Variants in SEC13 observed in about 807,000 individuals in gnomAD.
The protein encoded by SEC13 is SEC13 homolog, nuclear pore and COPII component.
SEC13 carries 25 observed loss-of-function variants against 49.2 expected under a neutral mutation model. The ratio of observed to expected loss-of-function variants is 0.51; its 90% CI spans 0.37 to 0.71. The LOEUF (loss-of-function observed/expected upper bound fraction) is 0.71. SEC13 is among the 30% of genes least tolerant of loss of function. SEC13 has a pLI of 0.00. For synonymous variants in SEC13, 148 were observed against 163.9 expected (o/e 0.90, Z 0.74); for missense variants, 383 against 417.6 (o/e 0.92, Z 0.72).
At chr3:10,312,533 T>C (rs1260436325) in intron 4 of SEC13, 46 bp downstream of exon 4, 1 of 1,603,712 alleles carries the variant, frequency 6.2e-7, no homozygotes, top group Non-Finnish European at 8.5e-7. Flanking sequence ...GAGTCCTTTT[T>C]TACCCAGTGG....
chr3:10,320,705 T>C, intron 1 of SEC13: 1 of 1,165,982 alleles, frequency 8.6e-7, no homozygotes, highest in Non-Finnish European at 1.1e-6. Context: ...TTCACAAGGC[T>C]GTTAGCAGGC....
At chr3:10,319,396 G>A (rs2059723943) in intron 1 of SEC13, 2 of 1,061,402 alleles carry the variant, frequency 1.9e-6, no homozygotes, top group Non-Finnish European at 2.6e-6. Flanking sequence ...AGGAAGGCGG[G>A]GAGGGCAGGG....
intron 1 of SEC13, chr3:10,320,608 T>C (rs154240): frequency 0.34 from 342,259 of 995,446 alleles, 61,700 homozygotes; most frequent in Non-Finnish European, 0.37. Flanking sequence ...TCGGCTCTAC[T>C]ACCACTTAAG....
intron 1 of SEC13, among the ~76,000 whole-genome samples, chr3:10,320,006 G>GGGGA (rs1553639102): frequency 2.9e-5 from 3 of 103,112 alleles, no homozygotes; most frequent in Admixed American, 1.0e-4. Context: ...GGGAGGGTGG[G>GGGGA]GAGAGAGAGA....
intron 5 of SEC13, among the ~76,000 whole-genome samples, chr3:10,309,764 T>C (rs1267991638): frequency 6.6e-6 from 1 of 152,246 alleles, no homozygotes; most frequent in Non-Finnish European, 1.5e-5. Context: ...CTGTATGCAA[T>C]TTCACTTCAA....
chr3:10,305,956 AGAAT>A lies in SEC13; in HGVS notation c.451-268_451-265del, dbSNP rs549289627. 1.0e-3 allele frequency: 363 copies of A among 348,806 alleles called. 1 individual carries two copies. Among genetic ancestry groups the A allele is most frequent in the Non-Finnish European group, 1.6e-3 (302 of 190,918 alleles). 21.6% of individuals were successfully genotyped at this position (348,806 alleles called of 1,614,324 possible). On this transcript the variant is annotated intron_variant, in intron 5 of 8. Transcript: ENST00000350697. ...ACAGGACATTTTCTAAACACATGAA[AGAAT>A]GGTACATTGGAGCTTTTTTTTAAGA...
intron 6 of SEC13, 71 bp from the exon 7 acceptor site, chr3:10,305,227 G>A: frequency 6.6e-7 from 1 of 1,525,704 alleles, no homozygotes; most frequent in Middle Eastern, 1.8e-4. Flanking sequence ...CAACCCAACA[G>A]GCTCTGCCTG....
Position 10,305,167 on chromosome 3 carries a change from G to T in SEC13, c.585-11C>A. The T allele has an allele frequency of 6.2e-7, 1 of 1,603,548 alleles. No individual in the cohort carries two copies. Among genetic ancestry groups the T allele is most frequent in the South Asian group, 1.1e-5 (1 of 89,632 alleles). ...CCGTCCTCCTCCTCCCTAACAGTGGGGACAGAAAGAGAATCAGCAGGGGGC... is the reference window on the plus strand; with the variant it reads ...CCGTCCTCCTCCTCCCTAACAGTGGTGACAGAAAGAGAATCAGCAGGGGGC... On this transcript the variant is annotated splice_polypyrimidine_tract_variant and intron_variant, in intron 6 of 8. Coordinates refer to ENST00000350697, the MANE Select transcript of SEC13 (RefSeq NM_183352.3).
In SEC13 at chr3:10,301,067, T is replaced by TTCAGCTGGACAGTAGATTA. The variant is rs760359214; in HGVS notation, c.*175_*193dup. 1 of 1,610,352 alleles carries TTCAGCTGGACAGTAGATTA rather than the reference T, an allele frequency of 6.2e-7. No homozygotes were observed. Among genetic ancestry groups the TTCAGCTGGACAGTAGATTA allele is most frequent in the African/African-American group, 1.3e-5 (1 of 74,882 alleles). On this transcript the variant is annotated 3_prime_UTR_variant, in exon 9 of 9. Transcript: ENST00000350697. ...GTTTCTTCCTCGTAACATGAGTGCT[T>TTCAGCTGGACAGTAGATTA]TCAGCTGGACAGTAGATTACAAAGC...
Position 10,318,056 on chromosome 3 carries a change from G to T in SEC13, c.42C>A (p.Asp14Glu). The T allele has an allele frequency of 6.2e-7, 1 of 1,602,686 alleles. No homozygotes were observed. The change falls in exon 2 of 9, where the codon GAC (aspartate) becomes GAA (glutamate). Residue 14 changes from aspartate (D) to glutamate (E), a missense_variant. Physicochemically the swap from Asp to Glu is conservative, Grantham distance 45. Transcript: ENST00000350697. Reference sequence around the variant, plus strand: ...GGGTGATATTAATACTTACAATCATGTCCTCATGGGAGGTATCCACAGTGT... The same window carrying T: ...GGGTGATATTAATACTTACAATCATTTCCTCATGGGAGGTATCCACAGTGT... Reference protein sequence around the residue: ...VINTVDTSHEDMIHDAQMDYY... With the variant: ...VINTVDTSHEEMIHDAQMDYY...
intron 5 of SEC13, among the ~76,000 whole-genome samples, chr3:10,308,619 G>GTT (rs1701036853): frequency 6.6e-6 from 1 of 151,944 alleles, no homozygotes; most frequent in Non-Finnish European, 1.5e-5. Context: ...TTTTAAACAT[G>GTT]TTATTCTTTT....
chr3:10,301,053 G>C lies in SEC13; in HGVS notation c.*208C>G, dbSNP rs911902668. On this transcript the variant is annotated 3_prime_UTR_variant, in exon 9 of 9. Transcript: ENST00000350697. The stretch of plus-strand genomic sequence containing the variant: ...GAACATCACTTGTAGTTTCTTCCTC[G>C]TAACATGAGTGCTTTCAGCTGGACA... 4.4e-6 allele frequency: 7 copies of C among 1,602,512 alleles called. No homozygotes were observed. The highest frequency in any genetic ancestry group is 4.0e-5 in the African/African-American group (3 of 74,694).
chr3:10,319,889 A>G (rs2059742478), intron 1 of SEC13, among the ~76,000 whole-genome samples: 1 of 70,506 alleles, frequency 1.4e-5, no homozygotes, highest in East Asian at 4.7e-4. Context: ...GAGGGAGAGG[A>G]AGGGGGGAGG....
chr3:10,310,616 C>T (rs1361053820), intron 5 of SEC13, among the ~76,000 whole-genome samples: 1 of 152,206 alleles, frequency 6.6e-6, no homozygotes, highest in African/African-American at 2.4e-5. Flanking sequence ...AACCCTCATA[C>T]ACTGCTGATG....
At chr3:10,319,816 GA>G (rs1559503327) in intron 1 of SEC13, among the ~76,000 whole-genome samples, 10 of 16,858 alleles carry the variant, frequency 5.9e-4, no homozygotes, top group African/African-American at 8.6e-4. Flanking sequence ...GGGGGGGGGG[GA>G]GGAAAGAGGG....
At position 10,305,059 on chromosome 3, in the gene SEC13, T is replaced by C. The variant is rs993411329; in HGVS notation, c.682A>G (p.Thr228Ala). 6.2e-7 allele frequency: 1 copy of C among 1,614,040 alleles called. No homozygotes were observed. The highest frequency in any genetic ancestry group is 8.5e-7 in the Non-Finnish European group (1 of 1,180,034). ...TGGGAGCAGCTGGCGATGGTGCTGG[T>C]GGGCAGGCCGATGGAGGGGGCCCAG... ...VAWAPSIGLP[T>A]STIASCSQDG... The change falls in exon 7 of 9, where the codon ACC becomes GCC. Residue 228 changes from threonine to alanine, a missense_variant. Thr to Ala is a moderately conservative substitution (Grantham distance 58). Transcript: ENST00000350697.
rs894064018 is a variant in SEC13 at position 10,300,975 on chromosome 3, C to T, written c.*286G>A. On this transcript the variant is annotated 3_prime_UTR_variant, in exon 9 of 9. Transcript: ENST00000350697. ...ATTTAGTTCCTTTGGAAACAAAACC[C>T]CCCAAATAATGCCTGAACCCAAAGG... 5.4e-6 allele frequency: 6 copies of T among 1,105,412 alleles called. No individual in the cohort carries two copies. The East Asian group carries it at 7.8e-5, about 14-fold the overall frequency. 68.5% of individuals were successfully genotyped at this position (1,105,412 alleles called of 1,614,324 possible).
At chr3:10,311,495 A>G (rs767330024) in intron 5 of SEC13, 6 of 275,702 alleles carry the variant, frequency 2.2e-5, no homozygotes, top group Non-Finnish European at 3.4e-5. Context: ...CTTTGCAAAC[A>G]TTTATTCCTT....
At chr3:10,309,706 T>C (rs1701130866) in intron 5 of SEC13, among the ~76,000 whole-genome samples, 1 of 152,272 alleles carries the variant, frequency 6.6e-6, no homozygotes, top group South Asian at 2.1e-4. Context: ...TGTGCTCTCA[T>C]TGTCCGCAGG....
Sources: allele counts gnomAD v4.1 joint callset (sites outside exome capture counted in the v4.1 genomes callset), GRCh38; gene constraint gnomAD v4.1.1; transcripts MANE v1.5; gene names NCBI Gene and HGNC (gene_info 2026-07-23, HGNC 2026-07-21).